TBXAS1: variants seen among roughly 807,000 people sequenced by gnomAD.
TBXAS1 encodes thromboxane A synthase 1.
Under a neutral mutation model 60.7 loss-of-function variants are expected in TBXAS1, and 48 were observed. That is an observed-to-expected ratio of 0.79 (90% CI 0.63 to 1.01). The LOEUF (loss-of-function observed/expected upper bound fraction) is 1.01. Ranked by LOEUF, TBXAS1 falls within the 50% of genes least tolerant of loss-of-function variation. The pLI is 0.00. For missense variants in TBXAS1, 685 were observed against 686.3 expected, an observed-to-expected ratio of 1.00 and a Z score of 0.02; for synonymous variants, 287 against 269.7, an observed-to-expected ratio of 1.06 and a Z score of -0.63.
At chr7:139,964,047 G>A (rs565877925) in intron 9 of TBXAS1, among the ~76,000 whole-genome samples, 1 of 152,130 alleles carries the variant, frequency 6.6e-6, no homozygotes, top group South Asian at 2.1e-4. Context: ...AGAGTCATGA[G>A]GGTCACTCTG....
upstream of TBXAS1, among the ~76,000 whole-genome samples, chr7:139,827,355 T>A (rs723670): frequency 0.4 from 60,141 of 152,126 alleles, 12,478 homozygotes; most frequent in South Asian, 0.69. Flanking sequence ...TGAGTCCTTA[T>A]GTGTCAGGTG....
chr7:139,988,968 C>T (rs1585015815), intron 9 of TBXAS1, among the ~76,000 whole-genome samples: 1 of 152,332 alleles, frequency 6.6e-6, no homozygotes, highest in East Asian at 1.9e-4. Flanking sequence ...ACCCAGCTGT[C>T]TGTGCCCGGG....
At chr7:139,990,586 G>C (rs1812815578) in intron 9 of TBXAS1, among the ~76,000 whole-genome samples, 1 of 151,996 alleles carries the variant, frequency 6.6e-6, no homozygotes, top group Non-Finnish European at 1.5e-5. Flanking sequence ...CCCTGGTTCT[G>C]ACCCCTGAGA....
chr7:139,928,285 T>C (rs1453393839), intron 4 of TBXAS1, among the ~76,000 whole-genome samples: 2 of 152,244 alleles, frequency 1.3e-5, no homozygotes, highest in East Asian at 1.9e-4. Flanking sequence ...ACAAGTTACA[T>C]TGATTTTCAA....
chr7:139,970,624 A>G (rs1709371767), intron 9 of TBXAS1, among the ~76,000 whole-genome samples: 1 of 152,220 alleles, frequency 6.6e-6, no homozygotes, highest in Non-Finnish European at 1.5e-5. Context: ...TGATTATTCC[A>G]TAATCATGAT....
chr7:139,928,669 T>G (rs1314250512), intron 4 of TBXAS1, among the ~76,000 whole-genome samples: 8 of 152,228 alleles, frequency 5.3e-5, no homozygotes, highest in Admixed American at 5.2e-4. Flanking sequence ...TTTGGTGTTC[T>G]GACAGCCATG....
chr7:139,864,857 G>A (rs1159001672), intron 1 of TBXAS1, among the ~76,000 whole-genome samples: 1 of 152,102 alleles, frequency 6.6e-6, no homozygotes, highest in Non-Finnish European at 1.5e-5. Flanking sequence ...CTGAGATACC[G>A]ATTCTGTTGA....
intron 11 of TBXAS1, among the ~76,000 whole-genome samples, chr7:140,016,134 C>T (rs368441984): frequency 2.0e-5 from 3 of 152,136 alleles, no homozygotes; most frequent in East Asian, 3.9e-4. Context: ...CGAGACCATC[C>T]TGGCTAACAC....
intron 1 of TBXAS1, among the ~76,000 whole-genome samples, chr7:139,830,156 G>A (rs929163061): frequency 6.6e-6 from 1 of 152,084 alleles, no homozygotes; most frequent in Non-Finnish European, 1.5e-5. Context: ...TAGGTCGAAG[G>A]CCTCATAATA....
rs1469595019 is a variant in TBXAS1, at chr7:139,896,907, G to C, written c.237-14318G>C. Among the ~76,000 whole-genome samples, 1 of 152,192 alleles carries C rather than the reference G, an allele frequency of 6.6e-6. No individual in the cohort carries two copies. The highest frequency in any genetic ancestry group is 1.5e-5 in the Non-Finnish European group (1 of 68,030). On this transcript the variant is annotated intron_variant, in intron 3 of 12. Coordinates refer to ENST00000448866, the MANE Select transcript of TBXAS1 (RefSeq NM_001061.7). This position sits in a 1 kb window ranked among gnomAD's most constrained non-coding sequence, Gnocchi z 4.0. Reference sequence around the variant, plus strand: ...GATTTATAGGGAATAGAACGACACAGTCAGCTTCTGTTTTACAAAGGTGAT... The same window carrying C: ...GATTTATAGGGAATAGAACGACACACTCAGCTTCTGTTTTACAAAGGTGAT...
At chr7:139,890,666 A>T (rs1302958736) in intron 3 of TBXAS1, among the ~76,000 whole-genome samples, 1 of 152,246 alleles carries the variant, frequency 6.6e-6, no homozygotes, top group African/African-American at 2.4e-5. Flanking sequence ...ACAACCATTA[A>T]TAGAAATAGT....
At chr7:139,803,916 G>T (rs778725526) in intron 4 of TBXAS1, among the ~76,000 whole-genome samples, 1 of 152,256 alleles carries the variant, frequency 6.6e-6, no homozygotes, top group Non-Finnish European at 1.5e-5. Context: ...CAGGAGCAGA[G>T]CTCTCATGGA....
chr7:139,974,736 C>T (rs1811447639), intron 9 of TBXAS1, among the ~76,000 whole-genome samples: 1 of 152,178 alleles, frequency 6.6e-6, no homozygotes, highest in East Asian at 1.9e-4. Context: ...ACTCAGTTTC[C>T]TTATCTGTAA....
intron 5 of TBXAS1, chr7:139,952,754 C>T (rs1809517167): frequency 2.1e-6 from 3 of 1,452,924 alleles, no homozygotes; most frequent in Non-Finnish European, 2.7e-6. Flanking sequence ...AACAATTGCC[C>T]CATGTGGGCA....
chr7:139,869,497 C>G (rs1801666370), intron 1 of TBXAS1, among the ~76,000 whole-genome samples: 2 of 152,136 alleles, frequency 1.3e-5, no homozygotes, highest in African/African-American at 4.8e-5. Context: ...AAGAGATTCT[C>G]TTATCTTAGC....
chr7:139,817,415 A>AC (rs1345227519), intron 4 of TBXAS1, among the ~76,000 whole-genome samples: 15 of 151,234 alleles, frequency 9.9e-5, no homozygotes, highest in Non-Finnish European at 1.0e-4. Flanking sequence ...GTATCCAGAG[A>AC]CCCCCCTGCC....
intron 4 of TBXAS1, among the ~76,000 whole-genome samples, chr7:139,788,212 G>C (rs1797260256): frequency 6.6e-6 from 1 of 152,146 alleles, no homozygotes; most frequent in Non-Finnish European, 1.5e-5. Flanking sequence ...CCCTATCCAA[G>C]TTCACAGATC....
At chr7:139,884,601 C>T (rs562454538) in intron 3 of TBXAS1, among the ~76,000 whole-genome samples, 5 of 152,142 alleles carry the variant, frequency 3.3e-5, no homozygotes, top group South Asian at 2.1e-4. Flanking sequence ...TGAAGGGCAG[C>T]GTTTAAAGAG....
intron 3 of TBXAS1, among the ~76,000 whole-genome samples, chr7:139,783,395 G>A (rs1400469138): frequency 6.6e-6 from 1 of 151,774 alleles, no homozygotes; most frequent in Non-Finnish European, 1.5e-5. Context: ...AAAAGAAGCT[G>A]TAATGTAGAT....
Sources: allele counts gnomAD v4.1 joint callset (sites outside exome capture counted in the v4.1 genomes callset), GRCh38; gene constraint gnomAD v4.1.1; non-coding constraint Gnocchi (gnomAD v3.1); transcripts MANE v1.5; gene names NCBI Gene and HGNC (gene_info 2026-07-23, HGNC 2026-07-21).